AGBL4: variants seen among roughly 807,000 people sequenced by gnomAD.
AGBL4 encodes the protein cytosolic carboxypeptidase 6.
A neutral mutation model predicts 66.4 loss-of-function variants in AGBL4; 58 were observed. The ratio of observed to expected loss-of-function variants is 0.87; its 90% CI spans 0.71 to 1.09. The LOEUF is 1.09. AGBL4 is among the 50% of genes least tolerant of loss of function. The pLI is 0.00. For synonymous variants in AGBL4, 234 were observed against 222.9 expected, an observed-to-expected ratio of 1.05 and a Z score of -0.44; for missense variants, 579 against 631.0, an observed-to-expected ratio of 0.92 and a Z score of 0.88.
chr1:48,666,975 C>A (rs1646197997), intron 6 of AGBL4, among the ~76,000 whole-genome samples: 1 of 152,194 alleles, frequency 6.6e-6, no homozygotes, highest in Non-Finnish European at 1.5e-5. Context: ...GGTTAAATGA[C>A]TTGCCTAAAC....
intron 1 of AGBL4, among the ~76,000 whole-genome samples, chr1:49,880,116 G>A (rs375062475): frequency 5.2e-4 from 79 of 151,634 alleles, no homozygotes; most frequent in Non-Finnish European, 8.0e-4. Flanking sequence ...ATGTCCTCCC[G>A]TAGCTCAGAG....
intron 6 of AGBL4, among the ~76,000 whole-genome samples, chr1:48,732,520 G>A (rs1250422592): frequency 6.6e-6 from 1 of 150,898 alleles, no homozygotes; most frequent in Admixed American, 6.6e-5. Flanking sequence ...ACTTGGAGTA[G>A]GGTGATGTGA....
intron 2 of AGBL4, among the ~76,000 whole-genome samples, chr1:49,702,792 C>T (rs1213267046): frequency 2.0e-5 from 3 of 151,960 alleles, no homozygotes; most frequent in Non-Finnish European, 2.9e-5. Flanking sequence ...TGGTACAACA[C>T]ACGAAAATCA....
intron 6 of AGBL4, among the ~76,000 whole-genome samples, chr1:48,721,053 T>C (rs924237538): frequency 1.3e-5 from 2 of 149,748 alleles, no homozygotes; most frequent in African/African-American, 2.5e-5. Context: ...CAGCTGAAGG[T>C]AGAGAGGCAG....
At chr1:49,664,898 T>C (rs771557541) in intron 3 of AGBL4, among the ~76,000 whole-genome samples, 2 of 152,138 alleles carry the variant, frequency 1.3e-5, no homozygotes, top group African/African-American at 2.4e-5. Flanking sequence ...TGCTATATGC[T>C]AAATCTAATG....
intron 4 of AGBL4, among the ~76,000 whole-genome samples, chr1:49,215,395 C>T (rs901125883): frequency 6.6e-6 from 1 of 152,106 alleles, no homozygotes; most frequent in African/African-American, 2.4e-5. Flanking sequence ...GATGATCACT[C>T]CTCAAAGATG....
At chr1:48,613,618 G>T (rs1224425484) in intron 9 of AGBL4, among the ~76,000 whole-genome samples, 1 of 152,194 alleles carries the variant, frequency 6.6e-6, no homozygotes, top group Non-Finnish European at 1.5e-5. Context: ...CCATCTCTGT[G>T]TGGAAGCTTT....
intron 3 of AGBL4, among the ~76,000 whole-genome samples, chr1:49,617,269 C>A (rs539111507): frequency 6.6e-6 from 1 of 152,270 alleles, no homozygotes; most frequent in African/African-American, 2.4e-5. Flanking sequence ...TTCATATGCT[C>A]TGCCCTCAGA....
At chr1:49,046,230 C>T (rs915506216) in intron 4 of AGBL4, among the ~76,000 whole-genome samples, 2 of 151,980 alleles carry the variant, frequency 1.3e-5, no homozygotes, top group Non-Finnish European at 2.9e-5. Flanking sequence ...TCTAAAAGTG[C>T]CTTGAAGGTA....
In AGBL4 at chr1:48,758,925, G is replaced by A. The variant is rs757725667; in HGVS notation, c.635-95684C>T. ...CGCTGCCAAGCCGCAGGAGCAGCAC[G>A]TCCTGGAGCCTCCGGTTAAGGTCAC... is the stretch of plus-strand genomic sequence containing the variant. On this transcript the variant is annotated intron_variant, in intron 6 of 13. Transcript: ENST00000371839. The A allele has an allele frequency of 1.5e-5, 24 of 1,562,390 alleles. No individual in the cohort carries two copies. The East Asian group carries it at 2.5e-4, about 16-fold the overall frequency.
chr1:48,704,475 T>C (rs1398077278), intron 6 of AGBL4, among the ~76,000 whole-genome samples: 1 of 152,258 alleles, frequency 6.6e-6, no homozygotes, highest in African/African-American at 2.4e-5. Context: ...ACACTTAGCT[T>C]AAAATACAAA....
intron 1 of AGBL4, among the ~76,000 whole-genome samples, chr1:49,991,830 T>C (rs906551903): frequency 1.3e-5 from 2 of 152,146 alleles, no homozygotes; most frequent in African/African-American, 4.8e-5. Context: ...TTAAAGGGCT[T>C]TGGAGTCAAC....
intron 3 of AGBL4, among the ~76,000 whole-genome samples, chr1:49,347,473 G>C (rs548644446): frequency 6.6e-6 from 1 of 151,682 alleles, no homozygotes; most frequent in African/African-American, 2.4e-5. Flanking sequence ...GGATGGTTTC[G>C]ATCTCCTGAC....
intron 1 of AGBL4, among the ~76,000 whole-genome samples, chr1:49,921,641 C>G (rs1237474428): frequency 1.3e-5 from 2 of 152,114 alleles, no homozygotes; most frequent in Non-Finnish European, 2.9e-5. Flanking sequence ...GGCTGAAGGC[C>G]AGAGAGCCCC....
At chr1:49,268,696 TACTTCTATTG>T (rs1187457410) in intron 3 of AGBL4, among the ~76,000 whole-genome samples, 22 of 152,342 alleles carry the variant, frequency 1.4e-4, no homozygotes, top group Non-Finnish European at 1.5e-5. Flanking sequence ...ATTAGGTATA[TACTTCTATTG>T]GCTTTTGTTA....
chr1:49,102,832 C>T (rs974233152), intron 4 of AGBL4, among the ~76,000 whole-genome samples: 3 of 152,094 alleles, frequency 2.0e-5, no homozygotes, highest in African/African-American at 7.2e-5. Flanking sequence ...GACTCCAAGG[C>T]CATTTCCTGG....
At chr1:49,481,107 C>T (rs900779927) in intron 3 of AGBL4, among the ~76,000 whole-genome samples, 6 of 151,974 alleles carry the variant, frequency 3.9e-5, no homozygotes, top group African/African-American at 1.2e-4. Context: ...GTTGCCTTGG[C>T]TTTCGGGTTC....
At chr1:48,527,520 C>T in the AGBL4 span, among the ~76,000 whole-genome samples, 1 of 151,538 alleles carries the variant, frequency 6.6e-6, no homozygotes, top group South Asian at 2.1e-4. Context: ...TTGCTTGAAC[C>T]CAGGAGGCAG....
chr1:49,285,538 A>C (rs1047875462), intron 3 of AGBL4, among the ~76,000 whole-genome samples: 10 of 152,132 alleles, frequency 6.6e-5, no homozygotes, highest in African/African-American at 2.4e-4. Context: ...AACAGAAGGA[A>C]ATAGAGACAC....
Sources: allele counts gnomAD v4.1 joint callset (sites outside exome capture counted in the v4.1 genomes callset), GRCh38; gene constraint gnomAD v4.1.1; transcripts MANE v1.5; gene names NCBI Gene and HGNC (gene_info 2026-07-23, HGNC 2026-07-21).